TENT4B: variants seen among roughly 807,000 people sequenced by gnomAD.
The protein encoded by TENT4B is terminal nucleotidyltransferase 4B.
In TENT4B, 10 loss-of-function variants were observed where a neutral mutation model predicts 75.0. The observed-to-expected ratio is 0.13, with a 90% CI of 0.08 to 0.23. The LOEUF is 0.23. TENT4B is among the 10% of genes least tolerant of loss of function. TENT4B has a pLI of 1.00. For synonymous variants in TENT4B, 350 were observed against 357.7 expected (o/e 0.98, Z 0.24); for missense variants, 579 against 893.8 (o/e 0.65, Z 4.49).
intron 1 of TENT4B, among the ~76,000 whole-genome samples, chr16:50,200,184 AGTGAGACC>A: frequency 6.6e-6 from 1 of 152,160 alleles, no homozygotes; most frequent in Non-Finnish European, 1.5e-5. Context: ...TGGGCAACAT[AGTGAGACC>A]TCATCTCTAC....
chr16:50,205,711 C>T (rs2030925222), intron 1 of TENT4B, among the ~76,000 whole-genome samples: 1 of 151,426 alleles, frequency 6.6e-6, no homozygotes, highest in Non-Finnish European at 1.5e-5. Context: ...ATGCCTCAGC[C>T]TCCCGAGTAG....
intron 1 of TENT4B, among the ~76,000 whole-genome samples, chr16:50,203,478 T>C (rs900457129): frequency 9.9e-5 from 15 of 152,264 alleles, no homozygotes; most frequent in African/African-American, 3.6e-4. Context: ...GCATTCCACT[T>C]GTAAACCTTG....
chr16:50,161,309 G>T (rs557413817), intron 1 of TENT4B, among the ~76,000 whole-genome samples: 17 of 152,272 alleles, frequency 1.1e-4, no homozygotes, highest in African/African-American at 4.1e-4. Flanking sequence ...AGACATTTGA[G>T]TTAAAGATTT....
chr16:50,154,101 G>A lies in TENT4B; in HGVS notation c.480G>A (p.Lys160=). ...ATTCGGCCTCGGGCAGCAGCAACAA[G>A]AGGAAGCGCGACAACAAGGCCAGCA... is the stretch of plus-strand genomic sequence containing the variant. ...PADSASGSSN[K]RKRDNKASTY... Residue 160 remains lysine, a synonymous_variant, in exon 1 of 12, where the codon AAG becomes AAA. Transcript: ENST00000561678. 6.5e-7 allele frequency: 1 copy of A among 1,528,838 alleles called. No individual in the cohort carries two copies. The highest frequency in any genetic ancestry group is 1.2e-5 in the South Asian group (1 of 82,516). The allele number at this position is 1,528,838 out of a possible 1,614,324, so 94.7% of individuals were successfully genotyped here. A position where few individuals can be genotyped will look rare whatever the true frequency, so the allele number is the denominator to read the frequency against.
intron 1 of TENT4B, among the ~76,000 whole-genome samples, chr16:50,207,037 C>T (rs1418518637): frequency 6.6e-6 from 1 of 150,782 alleles, no homozygotes; most frequent in South Asian, 2.1e-4. Context: ...AATTTTACCC[C>T]AGCAAATTAA....
At chr16:50,201,809 G>A (rs1270569238) in intron 1 of TENT4B, among the ~76,000 whole-genome samples, 1 of 145,954 alleles carries the variant, frequency 6.9e-6, no homozygotes, top group Non-Finnish European at 1.5e-5. Flanking sequence ...TCCAGCCTGG[G>A]TGAAAGAGGG....
At chr16:50,171,032 A>G (rs1420766488) in intron 1 of TENT4B, among the ~76,000 whole-genome samples, 1 of 151,752 alleles carries the variant, frequency 6.6e-6, no homozygotes, top group Non-Finnish European at 1.5e-5. Context: ...CCAGGCCTCA[A>G]GCCGTCCTCC....
intron 2 of TENT4B, 125 bp from the exon 3 acceptor site, chr16:50,214,096 T>C: frequency 2.9e-6 from 2 of 689,502 alleles, no homozygotes; most frequent in Non-Finnish European, 5.0e-6. Context: ...AAAAAAATGC[T>C]CTTGTCATAC....
At chr16:50,192,711 T>C (rs2150710974) in intron 1 of TENT4B, among the ~76,000 whole-genome samples, 1 of 152,342 alleles carries the variant, frequency 6.6e-6, no homozygotes, top group East Asian at 1.9e-4. Flanking sequence ...AATAAAACTG[T>C]GTACACTGTA....
chr16:50,205,456 T>C (rs2030898355), intron 1 of TENT4B, among the ~76,000 whole-genome samples: 1 of 152,024 alleles, frequency 6.6e-6, no homozygotes, highest in Non-Finnish European at 1.5e-5. Flanking sequence ...CAAAAGTCCC[T>C]GTCCCTAAGG....
intron 1 of TENT4B, among the ~76,000 whole-genome samples, chr16:50,185,591 G>T (rs1380622977): frequency 3.3e-5 from 5 of 152,188 alleles, no homozygotes; most frequent in African/African-American, 1.2e-4. Context: ...GTAAACCTTT[G>T]ATTTTTAGTG....
Position 50,194,734 on chromosome 16 carries a change from T to A in TENT4B, c.639-16589T>A, listed in dbSNP as rs546202108. ...CTGGAACTACAGGCGCTAGCCACCG[T>A]GCTTGGCTAATTTTTTTTTTTTTTT... is the stretch of plus-strand genomic sequence containing the variant. On this transcript the variant is annotated intron_variant, in intron 1 of 11. Transcript: ENST00000561678. Among the ~76,000 whole-genome samples, 5 of 142,690 alleles carry A rather than the reference T, an allele frequency of 3.5e-5. No individual in the cohort carries two copies. In the South Asian group the frequency reaches 1.1e-3, roughly 32 times the overall value. 93.6% of individuals were successfully genotyped at this position (142,690 alleles called of 152,430 possible). A position where few individuals can be genotyped will look rare whatever the true frequency, so the allele number is the denominator to read the frequency against.
intron 1 of TENT4B, among the ~76,000 whole-genome samples, chr16:50,208,818 C>T (rs2031123846): frequency 6.6e-6 from 1 of 152,126 alleles, no homozygotes; most frequent in Admixed American, 6.5e-5. Context: ...CTGCAGCCTC[C>T]ACCTCCCAAG....
Position 50,153,889 on chromosome 16 carries a change from C to T in TENT4B, c.268C>T (p.Leu90=), listed in dbSNP as rs11644212. The stretch of plus-strand genomic sequence containing the variant: ...CGGCATGTATCGCTCCGGGGAGCGC[C>T]TGCTGGGCAGCCACGCGCTGCCCGC... ...PAGMYRSGER[L]LGSHALPAEQ... Residue 90 remains leucine (L), a synonymous_variant, in exon 1 of 12, where the codon CTG becomes TTG. Transcript: ENST00000561678. 4.6e-6 allele frequency: 7 copies of T among 1,517,070 alleles called. No individual in the cohort carries two copies. The highest frequency in any genetic ancestry group is 6.1e-6 in the Non-Finnish European group (7 of 1,139,704). The allele number at this position is 1,517,070 out of a possible 1,614,324, so 94.0% of individuals were successfully genotyped here.
At chr16:50,221,965 A>G (rs1043178454) in intron 5 of TENT4B, among the ~76,000 whole-genome samples, 9 of 152,000 alleles carry the variant, frequency 5.9e-5, no homozygotes, top group Non-Finnish European at 8.8e-5. Context: ...GCGTTTCACC[A>G]TGTTGGCCAG....
intron 5 of TENT4B, among the ~76,000 whole-genome samples, chr16:50,221,423 T>G (rs922494566): frequency 6.6e-6 from 1 of 152,206 alleles, no homozygotes; most frequent in Non-Finnish European, 1.5e-5. Flanking sequence ...CTGTACATAC[T>G]TGCCCACTCA....
rs1433046225 is a variant in TENT4B, at chr16:50,153,359, C to G, written c.-263C>G. Reference sequence around the variant, plus strand: ...GCCATTTGCACGGGGACCCCAGTGACAGGGGCTCGGCGGAGGGGCGGAGGG... The same window carrying G: ...GCCATTTGCACGGGGACCCCAGTGAGAGGGGCTCGGCGGAGGGGCGGAGGG... On this transcript the variant is annotated 5_prime_UTR_variant, in exon 1 of 12. Coordinates refer to ENST00000561678, the MANE Select transcript of TENT4B (RefSeq NM_001365324.3). Among the ~76,000 whole-genome samples, 4 of 118,582 alleles carry G rather than the reference C, an allele frequency of 3.4e-5. No individual in the cohort carries two copies. The East Asian group carries it at 1.1e-3, about 33-fold the overall frequency. 77.8% of individuals were successfully genotyped at this position (118,582 alleles called of 152,430 possible). A position where few individuals can be genotyped will look rare whatever the true frequency, so the allele number is the denominator to read the frequency against.
chr16:50,232,619 A>C lies in TENT4B; in HGVS notation c.*3291A>C. The C allele has an allele frequency of 1.0e-6, 1 of 985,210 alleles. No homozygotes were observed. Among genetic ancestry groups the C allele is most frequent in the Non-Finnish European group, 1.2e-6 (1 of 829,888 alleles). 61.0% of individuals were successfully genotyped at this position (985,210 alleles called of 1,614,324 possible). A position where few individuals can be genotyped will look rare whatever the true frequency, so the allele number is the denominator to read the frequency against. On this transcript the variant is annotated 3_prime_UTR_variant, in exon 12 of 12. Transcript: ENST00000561678. ...TCTGGAAACACTAGAGGGTCAGAAA[A>C]GAGTAATGACCACCGTGACGTGCAG... is the stretch of plus-strand genomic sequence containing the variant.
At chr16:50,182,337 G>A (rs1452974673) in intron 1 of TENT4B, among the ~76,000 whole-genome samples, 3 of 152,188 alleles carry the variant, frequency 2.0e-5, no homozygotes, top group Admixed American at 2.0e-4. Context: ...TCATGTCAGT[G>A]TTAGAAACTA....
Sources: gnomAD v4.1 joint callset for allele counts (sites outside exome capture counted in the v4.1 genomes callset) on GRCh38, gnomAD v4.1.1 for gene constraint, MANE v1.5 for transcripts, NCBI Gene and HGNC (gene_info 2026-07-23, HGNC 2026-07-21) for gene names.